Variants in RUVBL1 observed in about 807,000 individuals in gnomAD.
RUVBL1 encodes ruvB-like 1.
A neutral mutation model predicts 52.4 loss-of-function variants in RUVBL1; 4 were observed. That is an observed-to-expected ratio of 0.08 (90% CI 0.04 to 0.17). RUVBL1 has a LOEUF of 0.17. Among genes scored for constraint, RUVBL1 ranks in the 10% least tolerant of loss-of-function variants. The probability of loss-of-function intolerance (pLI) is 1.00; values close to 1 mark genes in which losing one functional copy is unlikely to be tolerated. For synonymous variants in RUVBL1, 217 were observed against 214.4 expected (o/e 1.01, Z -0.10); for missense variants, 298 against 572.8 (o/e 0.52, Z 4.90).
At chr3:128,143,661 G>A (rs745626023) in intron 1 of RUVBL1, among the ~76,000 whole-genome samples, 4 of 152,282 alleles carry the variant, frequency 2.6e-5, no homozygotes, top group South Asian at 4.1e-4. Context: ...GTACACTTTC[G>A]TATTGCTTGC....
chr3:128,128,902 C>A (rs139667334), intron 1 of RUVBL1, among the ~76,000 whole-genome samples: 1 of 152,180 alleles, frequency 6.6e-6, no homozygotes, highest in Non-Finnish European at 1.5e-5. Context: ...GGTTAGCAAC[C>A]TGGGCCCCAT....
intron 6 of RUVBL1, among the ~76,000 whole-genome samples, chr3:128,099,304 G>A (rs929399244): frequency 1.3e-5 from 2 of 152,248 alleles, no homozygotes; most frequent in South Asian, 2.1e-4. Context: ...CATCTGCCAG[G>A]AATGCCATTC....
At chr3:128,136,821 T>C (rs1943954991) in intron 1 of RUVBL1, among the ~76,000 whole-genome samples, 1 of 152,086 alleles carries the variant, frequency 6.6e-6, no homozygotes, top group African/African-American at 2.4e-5. Flanking sequence ...AAGAAGATCA[T>C]TATATAATGA....
At chr3:128,109,234 T>C (rs1177366836) in intron 3 of RUVBL1, among the ~76,000 whole-genome samples, 1 of 152,158 alleles carries the variant, frequency 6.6e-6, no homozygotes, top group East Asian at 1.9e-4. Context: ...CTCTATAAGT[T>C]TGTAATACCT....
chr3:128,093,416 G>A (rs774650694), intron 8 of RUVBL1, among the ~76,000 whole-genome samples: 1 of 151,750 alleles, frequency 6.6e-6, no homozygotes, highest in Non-Finnish European at 1.5e-5. Flanking sequence ...CCGTGGTGAT[G>A]GTTGCACAAC....
intron 8 of RUVBL1, among the ~76,000 whole-genome samples, chr3:128,089,611 C>G (rs1290097725): frequency 6.6e-6 from 1 of 152,140 alleles, no homozygotes; most frequent in African/African-American, 2.4e-5. Flanking sequence ...ATATTTATGA[C>G]TGCAAAAATA....
At chr3:128,123,932 A>C, upstream of RUVBL1, 1 of 1,236,294 alleles carries the variant, frequency 8.1e-7, no homozygotes, top group Non-Finnish European at 1.0e-6. Flanking sequence ...CCGGTCACCC[A>C]CTTCCGTCTG....
chr3:128,125,077 C>T (rs1219590685), upstream of RUVBL1, among the ~76,000 whole-genome samples: 1 of 128,688 alleles, frequency 7.8e-6, no homozygotes, highest in African/African-American at 3.0e-5. Context: ...TGCAGTGGCG[C>T]AATCTCGGCT....
intron 2 of RUVBL1, among the ~76,000 whole-genome samples, chr3:128,114,439 C>G (rs149495212): frequency 6.6e-6 from 1 of 152,314 alleles, no homozygotes; most frequent in Non-Finnish European, 1.5e-5. Flanking sequence ...GGTTCTGCCA[C>G]TAATTTTCAG....
intron 1 of RUVBL1, among the ~76,000 whole-genome samples, chr3:128,137,980 T>C (rs1171100124): frequency 1.3e-5 from 2 of 152,106 alleles, no homozygotes; most frequent in East Asian, 3.8e-4. Context: ...AAGCATTTGA[T>C]AAAATTCAAT....
At chr3:128,092,914 C>G (rs1312491803) in intron 8 of RUVBL1, among the ~76,000 whole-genome samples, 1 of 152,082 alleles carries the variant, frequency 6.6e-6, no homozygotes, top group Non-Finnish European at 1.5e-5. Context: ...TGGTAGCTCA[C>G]AGTAATCCTA....
At chr3:128,079,217 C>T (rs1029777928), downstream of RUVBL1, among the ~76,000 whole-genome samples, 32 of 152,338 alleles carry the variant, frequency 2.1e-4, no homozygotes, top group African/African-American at 7.5e-4. Flanking sequence ...GGTCACCTTC[C>T]CCACACCGGA....
At chr3:128,092,319 C>A (rs1164764781) in intron 8 of RUVBL1, among the ~76,000 whole-genome samples, 2 of 152,148 alleles carry the variant, frequency 1.3e-5, no homozygotes, top group East Asian at 1.9e-4. Context: ...AGATACGAAA[C>A]CAGAAACACA....
upstream of RUVBL1, among the ~76,000 whole-genome samples, chr3:128,126,201 TTGTGTGTGTG>T (rs10576695): frequency 0.016 from 2,327 of 147,616 alleles, 22 homozygotes; most frequent in Non-Finnish European, 0.023. Context: ...AGTTGTTCCT[TTGTGTGTGTG>T]TGTGTGTGTG....
In RUVBL1 at chr3:128,067,399, C is replaced by T. The variant is rs558238571; in HGVS notation, c.940-2179G>A. ...AGTAAAATGAAGGAGCACTCACATG[C>T]GTTTGGTTTCTTCTTCCCCAGGACA... On this transcript the variant is annotated intron_variant, in intron 9 of 9. Transcript: ENST00000464873. The surrounding 1 kb of genome is among the most constrained non-coding windows in gnomAD (Gnocchi z 4.1). 5.6e-6 allele frequency: 9 copies of T among 1,599,838 alleles called. No individual in the cohort carries two copies. Among genetic ancestry groups the T allele is most frequent in the South Asian group, 4.5e-5 (4 of 89,112 alleles).
chr3:128,122,056 ACT>A (rs1210142797), intron 1 of RUVBL1, among the ~76,000 whole-genome samples: 1 of 152,072 alleles, frequency 6.6e-6, no homozygotes, highest in Non-Finnish European at 1.5e-5. Flanking sequence ...ATACAGCATC[ACT>A]CTTAGGCATA....
intron 9 of RUVBL1, among the ~76,000 whole-genome samples, chr3:128,072,475 TC>T (rs946227422): frequency 6.6e-6 from 1 of 152,166 alleles, no homozygotes; most frequent in Non-Finnish European, 1.5e-5. Context: ...GCAGGATGGT[TC>T]CTCTGAGACC....
upstream of RUVBL1, among the ~76,000 whole-genome samples, chr3:128,125,411 A>G (rs1943771615): frequency 6.6e-6 from 1 of 152,186 alleles, no homozygotes; most frequent in African/African-American, 2.4e-5. Flanking sequence ...AATGATTTGC[A>G]TAATTACTGG....
chr3:128,087,975 C>G lies in RUVBL1; in HGVS notation c.1017-167G>C. The G allele has an allele frequency of 5.6e-6, 3 of 536,490 alleles. No individual in the cohort carries two copies. In the Middle Eastern group the frequency reaches 8.8e-4, roughly 158 times the overall value. 33.2% of individuals were successfully genotyped at this position (536,490 alleles called of 1,614,324 possible). ...ACCTCCAGTGGCATAAAAACAACTT[C>G]AGGCTAGGCGCAGTGGCTCACACCT... On this transcript the variant is annotated intron_variant, in intron 8 of 10. Transcript: ENST00000322623.
Sources: gnomAD v4.1 joint callset for allele counts (sites outside exome capture counted in the v4.1 genomes callset) on GRCh38, gnomAD v4.1.1 for gene constraint, Gnocchi (gnomAD v3.1) non-coding constraint, MANE v1.5 for transcripts, NCBI Gene and HGNC (gene_info 2026-07-23, HGNC 2026-07-21) for gene names.